FAM234A: variants seen among roughly 807,000 people sequenced by gnomAD.
The protein encoded by FAM234A is protein FAM234A.
In FAM234A, 42 loss-of-function variants were observed where a neutral mutation model predicts 49.1. The ratio of observed to expected loss-of-function variants is 0.86; its 90% CI spans 0.67 to 1.11. The LOEUF (loss-of-function observed/expected upper bound fraction) is 1.11, where lower values mean the gene tolerates loss of function less well. Ranked by LOEUF, FAM234A falls within the 50% of genes least tolerant of loss-of-function variation. The pLI is 0.00. For synonymous variants in FAM234A, 369 were observed against 316.2 expected (o/e 1.17, Z -1.77); for missense variants, 815 against 745.2 (o/e 1.09, Z -1.09).
At position 264,942 on chromosome 16, in the gene FAM234A, C is replaced by T. The variant is rs774424321; in HGVS notation, c.1579C>T (p.Arg527Cys). Residue 527 changes from arginine to cysteine, a missense_variant, in exon 13 of 13, where the codon CGC becomes TGC. Physicochemically the swap from Arg to Cys is radical, Grantham distance 180 (BLOSUM62 -3). Transcript: ENST00000399932. ...RDLVPSSRVV[R>C]LGEGGPDSDQ... ...CCTTGTCCCAAGCAGCAGGGTGGTC[C>T]GCCTGGGTGAGGGTGGGCCAGACAG... The T allele has an allele frequency of 1.1e-5, 17 of 1,612,810 alleles. No homozygotes were observed. The highest frequency in any genetic ancestry group is 8.9e-5 in the East Asian group (4 of 44,888).
At chr16:256,276 T>C (rs1164675341) in intron 3 of FAM234A, among the ~76,000 whole-genome samples, 2 of 152,256 alleles carry the variant, frequency 1.3e-5, no homozygotes, top group African/African-American at 4.8e-5. Context: ...TCTGAGGAGC[T>C]GACAAGCTGT....
At chr16:255,496 C>A (rs897532305) in intron 3 of FAM234A, among the ~76,000 whole-genome samples, 1 of 152,104 alleles carries the variant, frequency 6.6e-6, no homozygotes, top group Non-Finnish European at 1.5e-5. Flanking sequence ...ATCATTTACA[C>A]CTGGAAGGTT....
chr16:255,040 G>C (rs2051176837), intron 3 of FAM234A, among the ~76,000 whole-genome samples: 1 of 151,962 alleles, frequency 6.6e-6, no homozygotes, highest in African/African-American at 2.4e-5. Flanking sequence ...ATTTTTAGTA[G>C]AGACCGGGTT....
chr16:267,708 G>A (rs112669152), downstream of FAM234A, among the ~76,000 whole-genome samples: 2,049 of 70,226 alleles, frequency 0.029, 68 homozygotes, highest in African/African-American at 0.14. Flanking sequence ...ACAATCACAC[G>A]TGCTATGCGT....
At position 264,665 on chromosome 16, in the gene FAM234A, C is replaced by T. The variant is rs11541179; in HGVS notation, c.1396C>T (p.Arg466Cys). 114 of 1,612,156 alleles carry T rather than the reference C, an allele frequency of 7.1e-5. No homozygotes were observed. In the East Asian group the frequency reaches 2.2e-3, roughly 31 times the overall value. Residue 466 changes from arginine (R) to cysteine (C), a missense_variant, in exon 12 of 13, where the codon CGC (arginine) becomes TGC (cysteine). By Grantham distance (180) the Arg-to-Cys change is radical (BLOSUM62 -3). Coordinates refer to ENST00000399932, the MANE Select transcript of FAM234A (RefSeq NM_032039.4). ...SLYMFHPTLP[R>C]VLLELANVST... ...GTACATGTTCCACCCCACCCTGCCG[C>T]GCGTGCTGCTGGAGCTGGCCAATGT...
At chr16:244,162 G>A (rs1349716912) in intron 1 of FAM234A, among the ~76,000 whole-genome samples, 4 of 152,022 alleles carry the variant, frequency 2.6e-5, no homozygotes, top group African/African-American at 4.8e-5. Context: ...TAGAGATGGG[G>A]TTTCACCGTG....
chr16:268,840 T>C, downstream of FAM234A: 1 of 1,550,406 alleles, frequency 6.4e-7, no homozygotes. Context: ...GACCTGCATG[T>C]CCGCGTCTTG....
intron 1 of FAM234A, among the ~76,000 whole-genome samples, chr16:238,060 C>G (rs1402333873): frequency 6.6e-6 from 1 of 151,774 alleles, no homozygotes; most frequent in Non-Finnish European, 1.5e-5. Context: ...GCTCTGTTGC[C>G]CAGGCTGGAG....
chr16:254,268 A>C (rs1468670138), intron 2 of FAM234A, 113 bp from the exon 3 acceptor site: 3 of 780,682 alleles, frequency 3.8e-6, no homozygotes, highest in Non-Finnish European at 6.3e-6. Flanking sequence ...CTGGTGGCCC[A>C]TAGTTAGAGC....
At chr16:235,932 C>T (rs1459638940) in intron 1 of FAM234A, among the ~76,000 whole-genome samples, 1 of 151,458 alleles carries the variant, frequency 6.6e-6, no homozygotes, top group Non-Finnish European at 1.5e-5. Flanking sequence ...GCAGGCGGAT[C>T]ACCTGAGGTC....
chr16:262,913 G>A (rs570336228), intron 8 of FAM234A, among the ~76,000 whole-genome samples: 5 of 149,934 alleles, frequency 3.3e-5, no homozygotes, highest in East Asian at 2.0e-4. Flanking sequence ...TCCGCCTCCC[G>A]GGTTCAAGTG....
At chr16:250,177 C>T (rs975588933) in intron 2 of FAM234A, among the ~76,000 whole-genome samples, 1 of 152,192 alleles carries the variant, frequency 6.6e-6, no homozygotes, top group Non-Finnish European at 1.5e-5. Context: ...GTGATCCTCC[C>T]ACCTCGGCCT....
At chr16:252,454 T>C (rs1264054320) in intron 2 of FAM234A, among the ~76,000 whole-genome samples, 1 of 152,152 alleles carries the variant, frequency 6.6e-6, no homozygotes, top group African/African-American at 2.4e-5. Context: ...AGTGCTGGGA[T>C]TACAGCCGTG....
chr16:249,877 A>G (rs930372362), intron 2 of FAM234A, among the ~76,000 whole-genome samples: 1 of 152,018 alleles, frequency 6.6e-6, no homozygotes, highest in African/African-American at 2.4e-5. Context: ...GAATTATAAC[A>G]TTCTGGTTCT....
At chr16:260,625 G>A (rs561864867) in intron 5 of FAM234A, 58 of 473,316 alleles carry the variant, frequency 1.2e-4, no homozygotes, top group African/African-American at 6.6e-4. Flanking sequence ...GTGGAAGGAC[G>A]AGGGAAAGAA....
intron 1 of FAM234A, among the ~76,000 whole-genome samples, chr16:238,639 G>T (rs934244640): frequency 1.3e-5 from 2 of 151,530 alleles, no homozygotes; most frequent in African/African-American, 2.4e-5. Flanking sequence ...GGTGACGGGT[G>T]CCTGTAGTCC....
At chr16:263,589 G>A in intron 9 of FAM234A, 111 bp from the exon 10 acceptor site, 1 of 1,266,398 alleles carries the variant, frequency 7.9e-7, no homozygotes, top group Non-Finnish European at 1.1e-6. Context: ...CCTGGGCCCT[G>A]GTCCAGATGT....
Position 261,466 on chromosome 16 carries a change from C to T in FAM234A, c.660C>T (p.Asp220=), listed in dbSNP as rs367623020. 55 of 1,612,890 alleles carry T rather than the reference C, an allele frequency of 3.4e-5. No individual in the cohort carries two copies. Among genetic ancestry groups the T allele is most frequent in the East Asian group, 1.1e-4 (5 of 44,886 alleles). The change falls in exon 6 of 13, where the codon GAC becomes GAT. Residue 220 remains aspartate (D), a synonymous_variant. Transcript: ENST00000399932. The stretch of plus-strand genomic sequence containing the variant: ...CTCTGCTGCAGGTGCCTGATGTGGA[C>T]GGCGATGGGGCCCCAGACCTGCTGG... ...LSPLLQVPDV[D]GDGAPDLLVL... is the part of the protein sequence containing the mutation.
rs1191436419 is a variant in FAM234A at position 242,149 on chromosome 16, C to T, written c.-140+7292C>T. On this transcript the variant is annotated intron_variant, in intron 1 of 12. Transcript: ENST00000399932. ...GAGTTTCCACTCAGGACTGGGTAGC[C>T]TGTGGACTCCCTGGAGGACAGATAG... Among the ~76,000 whole-genome samples the T allele has an allele frequency of 2.0e-5, 3 of 152,324 alleles. No individual in the cohort carries two copies. In the East Asian group the frequency reaches 5.8e-4, roughly 29 times the overall value.
Sources: allele counts gnomAD v4.1 joint callset (sites outside exome capture counted in the v4.1 genomes callset), GRCh38; gene constraint gnomAD v4.1.1; transcripts MANE v1.5; gene names NCBI Gene and HGNC (gene_info 2026-07-23, HGNC 2026-07-21).